AGAP1: variants seen among roughly 807,000 people sequenced by gnomAD.
AGAP1 encodes the protein ArfGAP with GTPase domain, ankyrin repeat and PH domain 1.
AGAP1 carries 29 observed loss-of-function variants against 105.3 expected under a neutral mutation model. That is an observed-to-expected ratio of 0.28 (90% confidence interval 0.21 to 0.38). The LOEUF is 0.38. AGAP1 is among the 10% of genes least tolerant of loss of function. AGAP1 has a pLI of 1.00. For synonymous variants in AGAP1, 509 were observed against 485.9 expected, an observed-to-expected ratio of 1.05 and a Z score of -0.63; for missense variants, 998 against 1,165.1, an observed-to-expected ratio of 0.86 and a Z score of 2.09.
rs568290835 is a variant in AGAP1, at chr2:235,635,380, C to T, written c.164-73799C>T. Among the ~76,000 whole-genome samples the T allele has an allele frequency of 2.0e-5, 3 of 152,244 alleles. No homozygotes were observed. Among genetic ancestry groups the T allele is most frequent in the Non-Finnish European group, 2.9e-5 (2 of 68,018 alleles). ...TTCTCCGTTTCTCCTTTTCTCTGCC[C>T]GTAGGATTGACTTTCATCTTGCCTG... is the stretch of plus-strand genomic sequence containing the variant. On this transcript the variant is annotated intron_variant, in intron 1 of 17. Transcript: ENST00000304032. The surrounding 1 kb of genome is among the most constrained non-coding windows in gnomAD (Gnocchi z 5.3).
In AGAP1 at chr2:236,130,644, G is replaced by T. The variant is rs1273866332; in HGVS notation, c.*6522G>T. 6.6e-6 allele frequency: 1 copy of T among 152,334 alleles called. No homozygotes were observed. Among genetic ancestry groups the T allele is most frequent in the Non-Finnish European group, 1.5e-5 (1 of 68,168 alleles). 9.4% of individuals were successfully genotyped at this position (152,334 alleles called of 1,614,324 possible). A position where few individuals can be genotyped will look rare whatever the true frequency, so the allele number is the denominator to read the frequency against. ...GGCATGAGGATGTCAGGGGCCTTTGGACTTGAGGAAGGACAGTCCAGGTGC... is the reference window on the plus strand; with the variant it reads ...GGCATGAGGATGTCAGGGGCCTTTGTACTTGAGGAAGGACAGTCCAGGTGC... On this transcript the variant is annotated 3_prime_UTR_variant, in exon 18 of 18. Transcript: ENST00000304032. This position sits in a 1 kb window ranked among gnomAD's most constrained non-coding sequence, Gnocchi z 5.8.
chr2:236,103,847 G>A (rs1372020979), intron 16 of AGAP1, among the ~76,000 whole-genome samples: 1 of 151,988 alleles, frequency 6.6e-6, no homozygotes, highest in African/African-American at 2.4e-5. Flanking sequence ...GATTACAGGC[G>A]TGAGCGACAT....
rs371668153 is a variant in AGAP1 at position 236,114,383 on chromosome 2, G to A, written c.2115-5809G>A. 6.6e-6 allele frequency among the ~76,000 whole-genome samples: 1 copy of A among 152,256 alleles called. No homozygotes were observed. Among genetic ancestry groups the A allele is most frequent in the Admixed American group, 6.5e-5 (1 of 15,290 alleles). On this transcript the variant is annotated intron_variant, in intron 16 of 17. Transcript: ENST00000304032. This position sits in a 1 kb window ranked among gnomAD's most constrained non-coding sequence, Gnocchi z 5.0. ...ATCGAGAAGAAGCCATTGTCAGCGT[G>A]TCCCTTGGTCATATGTGACTTGCGT...
intron 1 of AGAP1, among the ~76,000 whole-genome samples, chr2:235,537,813 TTG>T (rs1559232651): frequency 2.6e-5 from 4 of 152,288 alleles, no homozygotes; most frequent in East Asian, 3.9e-4. Context: ...CTTGTGTGTT[TTG>T]TGTTTTTTTT....
intron 1 of AGAP1, among the ~76,000 whole-genome samples, chr2:235,636,329 C>T (rs897565341): frequency 1.3e-5 from 2 of 152,144 alleles, no homozygotes; most frequent in African/African-American, 4.8e-5. Context: ...TCCCCTGCCC[C>T]CAATTTTTGG....
At chr2:235,524,727 C>T (rs945873929) in intron 1 of AGAP1, among the ~76,000 whole-genome samples, 2 of 152,198 alleles carry the variant, frequency 1.3e-5, no homozygotes, top group Non-Finnish European at 2.9e-5. Context: ...ACACATCACC[C>T]CTCTCTTTTA....
intron 1 of AGAP1, among the ~76,000 whole-genome samples, chr2:235,506,776 C>A (rs1220311591): frequency 6.6e-6 from 1 of 152,188 alleles, no homozygotes; most frequent in African/African-American, 2.4e-5. Flanking sequence ...CATCCATGTT[C>A]ATCCTCTTTC....
rs541066251 is a variant in AGAP1 at position 236,094,325 on chromosome 2, A to G, written c.2115-25867A>G. The stretch of plus-strand genomic sequence containing the variant: ...AAAAAAATTGCAAATACGATGGGTC[A>G]CCATGGCCTATGAAGTTGCCAAAAG... On this transcript the variant is annotated intron_variant, in intron 16 of 17. Coordinates refer to ENST00000304032, the MANE Select transcript of AGAP1 (RefSeq NM_001037131.3). Among the ~76,000 whole-genome samples, 4 of 151,552 alleles carry G rather than the reference A, an allele frequency of 2.6e-5. No individual in the cohort carries two copies. In the East Asian group the frequency reaches 7.8e-4, roughly 29 times the overall value.
intron 1 of AGAP1, among the ~76,000 whole-genome samples, chr2:235,597,377 A>T (rs1162178497): frequency 6.6e-6 from 1 of 152,180 alleles, no homozygotes; most frequent in Admixed American, 6.5e-5. Flanking sequence ...ACAGCCCTTC[A>T]TGCAAGGCCT....
At chr2:236,079,436 A>G (rs528053435) in intron 16 of AGAP1, among the ~76,000 whole-genome samples, 1 of 149,656 alleles carries the variant, frequency 6.7e-6, no homozygotes, top group South Asian at 2.1e-4. Context: ...CAGAAGGCTG[A>G]GTTGGGAGGA....
chr2:236,034,312 T>G (rs2057314546), intron 13 of AGAP1, among the ~76,000 whole-genome samples: 1 of 152,072 alleles, frequency 6.6e-6, no homozygotes, highest in Admixed American at 6.6e-5. Context: ...TTTTTTTTTT[T>G]TTTAATGAAA....
chr2:235,809,920 C>T (rs1185496708), intron 9 of AGAP1, among the ~76,000 whole-genome samples: 2 of 152,122 alleles, frequency 1.3e-5, no homozygotes, highest in Admixed American at 6.5e-5. Flanking sequence ...ACTTAATCCT[C>T]GACATTGCCA....
chr2:236,054,845 C>T (rs2058007925), intron 16 of AGAP1, among the ~76,000 whole-genome samples: 1 of 152,186 alleles, frequency 6.6e-6, no homozygotes, highest in African/African-American at 2.4e-5. Context: ...GGATTGATGC[C>T]CTGCCCCTGC....
intron 6 of AGAP1, among the ~76,000 whole-genome samples, chr2:235,773,243 G>A (rs1955596341): frequency 6.6e-6 from 1 of 152,144 alleles, no homozygotes; most frequent in Non-Finnish European, 1.5e-5. Flanking sequence ...CCATGCAAAT[G>A]AAGTCATGGC....
intron 1 of AGAP1, among the ~76,000 whole-genome samples, chr2:235,495,051 A>T (rs1559199921): frequency 1.3e-5 from 2 of 152,116 alleles, no homozygotes; most frequent in Admixed American, 1.3e-4. Context: ...CTCCGCCAGG[A>T]AGATAGATCG....
At chr2:235,949,292 C>T (rs776862040) in intron 12 of AGAP1, among the ~76,000 whole-genome samples, 16 of 152,130 alleles carry the variant, frequency 1.1e-4, no homozygotes, top group Non-Finnish European at 1.5e-4. Flanking sequence ...CAGAACATTT[C>T]GGATTTTTGG....
At position 236,001,251 on chromosome 2, in the gene AGAP1, T is replaced by A. The variant is rs569642359; in HGVS notation, c.1645+32628T>A. ...GGACAGGTCCTCCGGGGAGCCTTCA[T>A]GGGGAGCCCTGGCATGGCCTTCAGG... On this transcript the variant is annotated intron_variant, in intron 13 of 17. Coordinates refer to ENST00000304032, the MANE Select transcript of AGAP1 (RefSeq NM_001037131.3). This position sits in a 1 kb window ranked among gnomAD's most constrained non-coding sequence, Gnocchi z 4.7. Among the ~76,000 whole-genome samples the A allele has an allele frequency of 6.6e-6, 1 of 152,278 alleles. No individual in the cohort carries two copies. Among genetic ancestry groups the A allele is most frequent in the Non-Finnish European group, 1.5e-5 (1 of 68,016 alleles).
intron 13 of AGAP1, among the ~76,000 whole-genome samples, chr2:235,974,489 C>T (rs549196176): frequency 1.4e-4 from 22 of 152,300 alleles, no homozygotes; most frequent in African/African-American, 3.6e-4. Flanking sequence ...GGGTTCACAG[C>T]GCTTTGTTCT....
At chr2:236,028,463 GC>G (rs2057123942) in intron 13 of AGAP1, among the ~76,000 whole-genome samples, 1 of 152,102 alleles carries the variant, frequency 6.6e-6, no homozygotes, top group Admixed American at 6.5e-5. Flanking sequence ...TCTCTACTTT[GC>G]TACCTCAGAG....
Sources: gnomAD v4.1 joint callset for allele counts (sites outside exome capture counted in the v4.1 genomes callset) on GRCh38, gnomAD v4.1.1 for gene constraint, Gnocchi (gnomAD v3.1) non-coding constraint, MANE v1.5 for transcripts, NCBI Gene and HGNC (gene_info 2026-07-23, HGNC 2026-07-21) for gene names.